GPC6: variants seen among roughly 807,000 people sequenced by gnomAD.
GPC6 encodes glypican-6.
A neutral mutation model predicts 55.2 loss-of-function variants in GPC6; 14 were observed. The ratio of observed to expected loss-of-function variants is 0.25; its 90% CI spans 0.17 to 0.40. The LOEUF (loss-of-function observed/expected upper bound fraction) is 0.40. GPC6 is among the 10% of genes least tolerant of loss of function. GPC6 has a pLI of 1.00. For synonymous variants in GPC6, 278 were observed against 259.6 expected, an observed-to-expected ratio of 1.07 and a Z score of -0.68; for missense variants, 641 against 708.5, an observed-to-expected ratio of 0.90 and a Z score of 1.08.
chr13:93,822,728 A>G (rs1887097467), intron 2 of GPC6, among the ~76,000 whole-genome samples: 1 of 151,778 alleles, frequency 6.6e-6, no homozygotes, highest in South Asian at 2.1e-4. Flanking sequence ...TAGTTTGCTG[A>G]GAATGATGGT....
intron 5 of GPC6, among the ~76,000 whole-genome samples, chr13:94,294,652 C>G (rs958551564): frequency 2.6e-5 from 4 of 151,296 alleles, no homozygotes; most frequent in African/African-American, 9.7e-5. Flanking sequence ...TTCTCCAGAT[C>G]TTTTTCCTTT....
chr13:94,003,190 A>G (rs532256993), intron 3 of GPC6, among the ~76,000 whole-genome samples: 1 of 152,196 alleles, frequency 6.6e-6, no homozygotes, highest in Non-Finnish European at 1.5e-5. Context: ...AACTCCAGTC[A>G]ATAAAGTATA....
intron 1 of GPC6, among the ~76,000 whole-genome samples, chr13:93,353,266 T>G (rs1215949812): frequency 1.3e-5 from 2 of 152,164 alleles, no homozygotes. Flanking sequence ...TTGAAAGCTG[T>G]GGGATTAGAT....
intron 3 of GPC6, among the ~76,000 whole-genome samples, chr13:93,955,693 T>A (rs531494380): frequency 6.6e-6 from 1 of 152,348 alleles, no homozygotes; most frequent in South Asian, 2.1e-4. Context: ...ACATGTTCTT[T>A]GGATTCATCC....
intron 2 of GPC6, among the ~76,000 whole-genome samples, chr13:93,591,722 C>A (rs73541593): frequency 0.052 from 7,952 of 152,190 alleles, 683 homozygotes; most frequent in African/African-American, 0.18. Context: ...CTATCATATT[C>A]ATATTTCTGC....
chr13:94,177,647 A>C (rs1888827908), intron 4 of GPC6, among the ~76,000 whole-genome samples: 1 of 152,186 alleles, frequency 6.6e-6, no homozygotes, highest in Non-Finnish European at 1.5e-5. Context: ...TGCACAAGCA[A>C]TTTCATATGT....
intron 2 of GPC6, among the ~76,000 whole-genome samples, chr13:93,580,235 T>C (rs1252151977): frequency 2.0e-5 from 3 of 152,168 alleles, no homozygotes; most frequent in African/African-American, 7.2e-5. Context: ...TCTTGGGGTC[T>C]CTTTTATGAG....
At position 93,418,103 on chromosome 13, in the gene GPC6, ATT is replaced by A. The variant is rs1371178732; in HGVS notation, c.161-127156_161-127155del. On this transcript the variant is annotated intron_variant, in intron 1 of 8. Coordinates refer to ENST00000377047, the MANE Select transcript of GPC6 (RefSeq NM_005708.5). ...AGGATGTCCAACTTCTATTATTTTA[ATT>A]TTTAATTTTAGTATTTAAAATTTTT... Among the ~76,000 whole-genome samples, 5 of 151,970 alleles carry A rather than the reference ATT, an allele frequency of 3.3e-5. No individual in the cohort carries two copies. In the East Asian group the frequency reaches 7.7e-4, roughly 24 times the overall value.
intron 2 of GPC6, among the ~76,000 whole-genome samples, chr13:93,581,568 A>ATGG (rs1199000736): frequency 9.9e-5 from 15 of 152,130 alleles, no homozygotes; most frequent in Non-Finnish European, 7.4e-5. Context: ...TGAGCTATGC[A>ATGG]TGGTGGTGCA....
intron 1 of GPC6, among the ~76,000 whole-genome samples, chr13:93,242,914 T>C (rs559392251): frequency 6.6e-6 from 1 of 152,144 alleles, no homozygotes; most frequent in South Asian, 2.1e-4. Context: ...CTACAAGGGA[T>C]CCTGTGATGT....
intron 2 of GPC6, among the ~76,000 whole-genome samples, chr13:93,788,458 A>G (rs2138917784): frequency 6.6e-6 from 1 of 151,998 alleles, no homozygotes; most frequent in African/African-American, 2.4e-5. Flanking sequence ...GCATACCACA[A>G]GTGGCATTTG....
intron 1 of GPC6, among the ~76,000 whole-genome samples, chr13:93,388,141 T>C (rs549588155): frequency 6.6e-6 from 1 of 152,314 alleles, no homozygotes; most frequent in South Asian, 2.1e-4. Context: ...TGCCAATACA[T>C]ACAGGTGTCA....
chr13:93,237,124 T>G (rs1271380152), intron 1 of GPC6, among the ~76,000 whole-genome samples: 1 of 152,200 alleles, frequency 6.6e-6, no homozygotes, highest in African/African-American at 2.4e-5. Context: ...GATCTACTTT[T>G]AGTCCTTTGA....
At chr13:93,977,468 GT>G (rs34137628) in intron 3 of GPC6, among the ~76,000 whole-genome samples, 206 of 2,632 alleles carry the variant, frequency 0.078, 1 homozygote, top group South Asian at 0.24. Flanking sequence ...ATGACAAGGG[GT>G]GTGTGTGTGT....
chr13:93,582,946 C>A (rs1407769399), intron 2 of GPC6, among the ~76,000 whole-genome samples: 1 of 151,736 alleles, frequency 6.6e-6, no homozygotes, highest in East Asian at 1.9e-4. Flanking sequence ...TGTAGATGTT[C>A]AAAAAATAAT....
intron 6 of GPC6, among the ~76,000 whole-genome samples, chr13:94,380,497 A>C (rs1208060915): frequency 1.3e-5 from 2 of 152,174 alleles, no homozygotes; most frequent in Non-Finnish European, 2.9e-5. Flanking sequence ...TATACTCTTC[A>C]TCTAGCTTTG....
chr13:93,745,803 C>G (rs1442041278), intron 2 of GPC6, among the ~76,000 whole-genome samples: 2 of 152,160 alleles, frequency 1.3e-5, no homozygotes, highest in East Asian at 1.9e-4. Flanking sequence ...TCATCTGCTT[C>G]TGATGATAAG....
chr13:94,046,273 T>C (rs1486267643), intron 4 of GPC6, among the ~76,000 whole-genome samples: 1 of 152,096 alleles, frequency 6.6e-6, no homozygotes, highest in Non-Finnish European at 1.5e-5. Context: ...GGTTCTAAAA[T>C]GTTTCCCTAA....
chr13:94,084,586 TA>T (rs11310441), intron 4 of GPC6, among the ~76,000 whole-genome samples: 121,205 of 151,364 alleles, frequency 0.8, 48,697 homozygotes, highest in South Asian at 0.88. Flanking sequence ...CTATTTGTGA[TA>T]AAAAAAAAAC....
Sources: gnomAD v4.1 joint callset for allele counts (sites outside exome capture counted in the v4.1 genomes callset) on GRCh38, gnomAD v4.1.1 for gene constraint, MANE v1.5 for transcripts, NCBI Gene and HGNC (gene_info 2026-07-23, HGNC 2026-07-21) for gene names.